Variants in ZNF470 observed in about 807,000 individuals in gnomAD.
The protein encoded by ZNF470 is zinc finger protein 470, also known as chondrogenesis zinc finger protein 1.
In ZNF470, 13 loss-of-function variants were observed where a neutral mutation model predicts 13.9. The ratio of observed to expected loss-of-function variants is 0.94; its 90% confidence interval spans 0.61 to 1.49. The LOEUF (loss-of-function observed/expected upper bound fraction) is 1.49. Among genes scored for constraint, ZNF470 ranks in the 40% most tolerant of loss-of-function variants. The probability of loss-of-function intolerance (pLI) is 0.00; values close to 1 mark genes in which losing one functional copy is unlikely to be tolerated. For missense variants in ZNF470, 929 were observed against 857.3 expected (o/e 1.08, Z -1.04); for synonymous variants, 293 against 282.9 (o/e 1.04, Z -0.36).
At position 56,581,814 on chromosome 19, in the gene ZNF470, CAATAA is replaced by C. The variant is rs552522490; in HGVS notation, c.*3235_*3239del. ...ACCATATGTTTTTGATGGACGTGGC[CAATAA>C]AATTGTCTCTGAATTTCAAAAGGCA... On this transcript the variant is annotated 3_prime_UTR_variant, in exon 6 of 6. Coordinates refer to ENST00000330619, the MANE Select transcript of ZNF470 (RefSeq NM_001001668.4). 1.0e-6 allele frequency: 1 copy of C among 985,282 alleles called. No homozygotes were observed. Among genetic ancestry groups the C allele is most frequent in the South Asian group, 4.7e-5 (1 of 21,276 alleles). The allele number at this position is 985,282 out of a possible 1,614,324, so 61.0% of individuals were successfully genotyped here.
At position 56,576,798 on chromosome 19, in the gene ZNF470, A is replaced by G. The variant is rs1382842166; in HGVS notation, c.369A>G (p.Glu123=). ...AATTACCCCCGGCAATCATAATGGA[A>G]AGACTTAAAAGCTATGACCTTGAAT... is the stretch of plus-strand genomic sequence containing the variant. ...EEKLPPAIIM[E]RLKSYDLECS... is the part of the protein sequence containing the mutation. The change falls in exon 6 of 6, where the codon GAA becomes GAG. Residue 123 remains glutamate (E), a synonymous_variant. Coordinates refer to ENST00000330619, the MANE Select transcript of ZNF470 (RefSeq NM_001001668.4). The G allele has an allele frequency of 2.6e-6, 4 of 1,562,632 alleles. No homozygotes were observed. Among genetic ancestry groups the G allele is most frequent in the Non-Finnish European group, 3.4e-6 (4 of 1,161,246 alleles).
In ZNF470 at chr19:56,577,739, G is replaced by C. The variant is rs957465216; in HGVS notation, c.1310G>C (p.Gly437Ala). Reference sequence around the variant, plus strand: ...GTGTGTGGGAAGGCTTTTAGCCATGGCTCATCTCTGACAGTACATCAGAGA... The same window carrying C: ...GTGTGTGGGAAGGCTTTTAGCCATGCCTCATCTCTGACAGTACATCAGAGA... ...CNVCGKAFSHGSSLTVHQRIH... is the reference protein window; with the variant it reads ...CNVCGKAFSHASSLTVHQRIH... The change falls in exon 6 of 6, where the codon GGC becomes GCC. Residue 437 changes from glycine to alanine, a missense_variant. Gly to Ala is a moderately conservative substitution (Grantham distance 60). Coordinates refer to ENST00000330619, the MANE Select transcript of ZNF470 (RefSeq NM_001001668.4). 2.0e-5 allele frequency: 33 copies of C among 1,613,686 alleles called. No homozygotes were observed. Among genetic ancestry groups the C allele is most frequent in the Non-Finnish European group, 2.8e-5 (33 of 1,179,818 alleles).
chr19:56,577,342 G>A lies in ZNF470; in HGVS notation c.913G>A (p.Val305Ile), dbSNP rs1490557141. The change falls in exon 6 of 6, where the codon GTT becomes ATT. Residue 305 changes from valine (V) to isoleucine (I), a missense_variant. Coordinates refer to ENST00000330619, the MANE Select transcript of ZNF470 (RefSeq NM_001001668.4). ...QNAHLVQHQR[V>I]HTGEKPYQCK... is the part of the protein sequence containing the mutation. ...TGCTCATCTTGTTCAACACCAGAGA[G>A]TTCATACTGGAGAGAAACCTTATCA... 6.2e-6 allele frequency: 10 copies of A among 1,613,594 alleles called. No homozygotes were observed. In the Admixed American group the frequency reaches 6.7e-5, roughly 11 times the overall value.
At chr19:56,576,420 A>T (rs1282356523) in intron 5 of ZNF470, among the ~76,000 whole-genome samples, 2 of 152,210 alleles carry the variant, frequency 1.3e-5, no homozygotes, top group Non-Finnish European at 2.9e-5. Context: ...AGCATATCCG[A>T]TGATACCAAA....
At position 56,578,653 on chromosome 19, in the gene ZNF470, A is replaced by G; in HGVS notation, c.*70A>G. ...GCACATGTCCCATCATCATAGTCCA[A>G]GACGCAACCATCTCATCTGGATTTC... is the stretch of plus-strand genomic sequence containing the variant. On this transcript the variant is annotated 3_prime_UTR_variant, in exon 6 of 6. Coordinates refer to ENST00000330619, the MANE Select transcript of ZNF470 (RefSeq NM_001001668.4). The G allele has an allele frequency of 7.3e-7, 1 of 1,372,402 alleles. No homozygotes were observed. The highest frequency in any genetic ancestry group is 2.2e-5 in the South Asian group (1 of 45,948). 85.0% of individuals were successfully genotyped at this position (1,372,402 alleles called of 1,614,324 possible).
rs2044515670 is a variant in ZNF470, at chr19:56,579,082, A to G, written c.*499A>G. On this transcript the variant is annotated 3_prime_UTR_variant, in exon 6 of 6. Transcript: ENST00000330619. ...CCCTCTGTGACATTGTTGATGAGCA[A>G]CTCTCACTTTACCTGACACTGAGAA... The G allele has an allele frequency of 1.0e-6, 1 of 985,590 alleles. No individual in the cohort carries two copies. The highest frequency in any genetic ancestry group is 1.2e-6 in the Non-Finnish European group (1 of 830,062). 61.1% of individuals were successfully genotyped at this position (985,590 alleles called of 1,614,324 possible). A position where few individuals can be genotyped will look rare whatever the true frequency, so the allele number is the denominator to read the frequency against.
chr19:56,573,223 C>G (rs1011352066), intron 3 of ZNF470, among the ~76,000 whole-genome samples: 1 of 152,126 alleles, frequency 6.6e-6, no homozygotes, highest in Non-Finnish European at 1.5e-5. Context: ...TCCCTTCTGT[C>G]CTTCTTCATC....
In ZNF470 at chr19:56,578,707, C is replaced by T. The variant is rs2044512970; in HGVS notation, c.*124C>T. The stretch of plus-strand genomic sequence containing the variant: ...AGTAGCATAACTGTTGCCCCTTTTG[C>T]TTCTATCAACTACATGTTTAACACT... On this transcript the variant is annotated 3_prime_UTR_variant, in exon 6 of 6. Coordinates refer to ENST00000330619, the MANE Select transcript of ZNF470 (RefSeq NM_001001668.4). 7.6e-7 allele frequency: 1 copy of T among 1,309,886 alleles called. No individual in the cohort carries two copies. Among genetic ancestry groups the T allele is most frequent in the African/African-American group, 1.5e-5 (1 of 68,042 alleles). 81.1% of individuals were successfully genotyped at this position (1,309,886 alleles called of 1,614,324 possible). A position where few individuals can be genotyped will look rare whatever the true frequency, so the allele number is the denominator to read the frequency against.
chr19:56,573,348 A>G (rs906815115), intron 3 of ZNF470, among the ~76,000 whole-genome samples: 3 of 152,206 alleles, frequency 2.0e-5, no homozygotes, highest in Admixed American at 1.3e-4. Flanking sequence ...TCCATTTTTC[A>G]GATGGGAAAA....
At position 56,572,429 on chromosome 19, in the gene ZNF470, C is replaced by G. The variant is rs1355774543; in HGVS notation, c.61-1965C>G. Among the ~76,000 whole-genome samples the G allele has an allele frequency of 2.6e-4, 31 of 121,058 alleles. 2 individuals are homozygous for G. Among genetic ancestry groups the G allele is most frequent in the Non-Finnish European group, 1.6e-5 (1 of 62,268 alleles). 79.4% of individuals were successfully genotyped at this position (121,058 alleles called of 152,430 possible). ...TGGTGGTGCATGCCTGTAATCCCAG[C>G]TATTCAAGAGGCTGAGGCATGAGAA... On this transcript the variant is annotated intron_variant, in intron 3 of 5. Transcript: ENST00000330619.
chr19:56,569,729 G>A (rs2044436602), intron 2 of ZNF470, among the ~76,000 whole-genome samples: 1 of 152,056 alleles, frequency 6.6e-6, no homozygotes, highest in South Asian at 2.1e-4. Flanking sequence ...CTTGAGGCCA[G>A]GAGGTTGACC....
At chr19:56,575,114 G>A (rs2147984711) in intron 5 of ZNF470, among the ~76,000 whole-genome samples, 1 of 152,206 alleles carries the variant, frequency 6.6e-6, no homozygotes, top group Non-Finnish European at 1.5e-5. Flanking sequence ...ATGTATTACA[G>A]CTATTTTCTT....
At position 56,567,578 on chromosome 19, in the gene ZNF470, G is replaced by A; in HGVS notation, c.-619G>A. 2.0e-6 allele frequency: 2 copies of A among 987,572 alleles called. No individual in the cohort carries two copies. The highest frequency in any genetic ancestry group is 2.4e-6 in the Non-Finnish European group (2 of 831,992). 61.2% of individuals were successfully genotyped at this position (987,572 alleles called of 1,614,324 possible). Reference sequence around the variant, plus strand: ...GGCTGGACTGGGGCGCGGCGGGGGCGGTGTCCTGGTTCCTGTGTGGGCGGC... The same window carrying A: ...GGCTGGACTGGGGCGCGGCGGGGGCAGTGTCCTGGTTCCTGTGTGGGCGGC... On this transcript the variant is annotated 5_prime_UTR_variant, in exon 1 of 6. Coordinates refer to ENST00000330619, the MANE Select transcript of ZNF470 (RefSeq NM_001001668.4).
At chr19:56,570,664 C>T (rs2044445755) in intron 3 of ZNF470, among the ~76,000 whole-genome samples, 1 of 152,168 alleles carries the variant, frequency 6.6e-6, no homozygotes, top group Admixed American at 6.5e-5. Flanking sequence ...TCTGACAAAG[C>T]AGAAGTACAA....
Position 56,577,537 on chromosome 19 carries a change from T to C in ZNF470, c.1108T>C (p.Cys370Arg), listed in dbSNP as rs761097712. The change falls in exon 6 of 6, where the codon TGT (cysteine) becomes CGT (arginine). Residue 370 changes from cysteine (C) to arginine (R), a missense_variant. Transcript: ENST00000330619. ...RIHTGKRPYECIDCGKAFRQN... is the reference protein window; with the variant it reads ...RIHTGKRPYERIDCGKAFRQN... ...TCACACTGGGAAAAGACCTTATGAA[T>C]GTATTGACTGTGGGAAAGCTTTCAG... The C allele has an allele frequency of 6.2e-7, 1 of 1,614,102 alleles. No individual in the cohort carries two copies. The highest frequency in any genetic ancestry group is 8.5e-7 in the Non-Finnish European group (1 of 1,180,022).
At position 56,574,475 on chromosome 19, in the gene ZNF470, T is replaced by TTGC. The variant is rs1371251780; in HGVS notation, c.142_143insTGC (p.Tyr48delinsLeuHis). The stretch of plus-strand genomic sequence containing the variant: ...GCTGAATCTTGCTCAGAGAAGTTTG[T>TTGC]ACAAGAAGGTGATGTTAGAAAACTA... On this transcript the variant is annotated protein_altering_variant, in exon 4 of 6. Coordinates refer to ENST00000330619, the MANE Select transcript of ZNF470 (RefSeq NM_001001668.4). The TTGC allele has an allele frequency of 6.2e-7, 1 of 1,613,930 alleles. No homozygotes were observed. The highest frequency in any genetic ancestry group is 1.3e-5 in the African/African-American group (1 of 75,058).
At chr19:56,576,683 G>T in intron 5 of ZNF470, 30 bp from the exon 6 acceptor site, 1 of 1,368,558 alleles carries the variant, frequency 7.3e-7, no homozygotes, top group Non-Finnish European at 9.5e-7. Flanking sequence ...ATTTAATAAA[G>T]GAGACATTTA....
rs1401765590 is a variant in ZNF470 at position 56,579,407 on chromosome 19, G to A, written c.*824G>A. 4 of 979,942 alleles carry A rather than the reference G, an allele frequency of 4.1e-6. No homozygotes were observed. In the African/African-American group the frequency reaches 5.3e-5, roughly 13 times the overall value. 60.7% of individuals were successfully genotyped at this position (979,942 alleles called of 1,614,324 possible). A position where few individuals can be genotyped will look rare whatever the true frequency, so the allele number is the denominator to read the frequency against. On this transcript the variant is annotated 3_prime_UTR_variant, in exon 6 of 6. Coordinates refer to ENST00000330619, the MANE Select transcript of ZNF470 (RefSeq NM_001001668.4). ...ACTGCAATTCCAGCTGGGCAGCAGA[G>A]CCAGACACTGTCTCAAGGAAAAACA...
intron 3 of ZNF470, among the ~76,000 whole-genome samples, chr19:56,571,875 C>T (rs949755513): frequency 4.6e-5 from 7 of 151,684 alleles, no homozygotes; most frequent in South Asian, 4.1e-4. Flanking sequence ...GCTTTGGCCT[C>T]CCAAAGTTCT....
Sources: allele counts gnomAD v4.1 joint callset (sites outside exome capture counted in the v4.1 genomes callset), GRCh38; gene constraint gnomAD v4.1.1; transcripts MANE v1.5; gene names NCBI Gene and HGNC (gene_info 2026-07-23, HGNC 2026-07-21).